HGSNAT: variants seen among roughly 807,000 people sequenced by gnomAD.
HGSNAT encodes the protein transmembrane protein 76.
In HGSNAT, 59 loss-of-function variants were observed where a neutral mutation model predicts 85.2. The ratio of observed to expected loss-of-function variants is 0.69; its 90% CI spans 0.56 to 0.86. The LOEUF is 0.86. Among genes scored for constraint, HGSNAT ranks in the 40% least tolerant of loss-of-function variants. The probability of loss-of-function intolerance (pLI) is 0.00; values close to 1 mark genes in which losing one functional copy is unlikely to be tolerated. For missense variants in HGSNAT, 756 were observed against 777.1 expected (o/e 0.97, Z 0.32); for synonymous variants, 321 against 304.5 (o/e 1.05, Z -0.56).
At chr8:43,180,688 C>G (rs896576329) in intron 10 of HGSNAT, 13 of 317,806 alleles carry the variant, frequency 4.1e-5, no homozygotes, top group African/African-American at 7.2e-5. Context: ...ACTTCCCAGA[C>G]GGGGTGGCTG....
intron 3 of HGSNAT, 88 bp from the exon 4 acceptor site, chr8:43,158,835 G>A (rs755618002): frequency 3.3e-6 from 5 of 1,510,656 alleles, no homozygotes; most frequent in Non-Finnish European, 4.5e-6. Context: ...CCAGGAACAT[G>A]TATTATTCTG....
Position 43,199,414 on chromosome 8 carries a change from G to C in HGSNAT, c.1753G>C (p.Gly585Arg), listed in dbSNP as rs376476836. 1 of 1,604,712 alleles carries C rather than the reference G, an allele frequency of 6.2e-7. No individual in the cohort carries two copies. Among genetic ancestry groups the C allele is most frequent in the Non-Finnish European group, 8.5e-7 (1 of 1,175,220 alleles). ...PGMNSILVYVGHEVFENYFPF... is the reference protein window; with the variant it reads ...PGMNSILVYVRHEVFENYFPF... ...AATGAATTCCATTCTGGTATATGTC[G>C]GCCACGAGGTGTTTGAGAACTACTT... is the stretch of plus-strand genomic sequence containing the variant. The change falls in exon 18 of 18, where the codon GGC (glycine) becomes CGC (arginine). Residue 585 changes from glycine (G) to arginine (R), a missense_variant. Gly to Arg is a moderately radical substitution (Grantham distance 125, BLOSUM62 -2). Transcript: ENST00000379644.
At chr8:43,174,325 A>C (rs1803737281) in intron 9 of HGSNAT, 1 of 152,222 alleles carries the variant, frequency 6.6e-6, no homozygotes, top group African/African-American at 2.4e-5. Context: ...CATTCTGAAC[A>C]TGTAGTTCAG....
In HGSNAT at chr8:43,158,621, G is replaced by A; in HGVS notation, c.281G>A (p.Gly94Glu). 6.2e-7 allele frequency: 1 copy of A among 1,613,930 alleles called. No individual in the cohort carries two copies. The highest frequency in any genetic ancestry group is 2.2e-5 in the East Asian group (1 of 44,878). ...AACGTTCCTCAGAGTCCAAAAGCAG[G>A]GAAGCCTAGTGCTGCAGCTGCCTCT... ...LVNVPQSPKAGKPSAAAASVS... is the reference protein window; with the variant it reads ...LVNVPQSPKAEKPSAAAASVS... The change falls in exon 3 of 18, where the codon GGG becomes GAG. Residue 94 changes from glycine to glutamate, a missense_variant. Physicochemically the swap from Gly to Glu is moderately conservative, Grantham distance 98. Transcript: ENST00000379644.
intron 5 of HGSNAT, among the ~76,000 whole-genome samples, chr8:43,165,941 G>GA (rs886732759): frequency 2.3e-4 from 35 of 151,126 alleles, no homozygotes; most frequent in African/African-American, 8.2e-4. Context: ...GTCTCAAAAA[G>GA]AAAAAAAAGA....
intron 11 of HGSNAT, among the ~76,000 whole-genome samples, chr8:43,187,144 G>A (rs1804344819): frequency 6.6e-6 from 1 of 152,218 alleles, no homozygotes; most frequent in Non-Finnish European, 1.5e-5. Flanking sequence ...GAGTTCTGTA[G>A]ATGTCTATCA....
chr8:43,159,345 T>A (rs549736390), intron 4 of HGSNAT, among the ~76,000 whole-genome samples: 2 of 152,158 alleles, frequency 1.3e-5, no homozygotes, highest in Non-Finnish European at 2.9e-5. Flanking sequence ...CCCAGCACTT[T>A]GGGAGGCCAA....
chr8:43,182,646 A>G (rs1188946569), intron 11 of HGSNAT, among the ~76,000 whole-genome samples: 1 of 151,992 alleles, frequency 6.6e-6, no homozygotes, highest in African/African-American at 2.4e-5. Flanking sequence ...AGGTCTCACT[A>G]TGTTGTCCAG....
chr8:43,182,337 T>G, intron 11 of HGSNAT, 77 bp downstream of exon 11: 1 of 1,173,880 alleles, frequency 8.5e-7, no homozygotes, highest in Non-Finnish European at 1.3e-6. Flanking sequence ...ACGGTCTCAC[T>G]ATGTTGTCCA....
Position 43,146,889 on chromosome 8 carries a change from C to T in HGSNAT, c.119-59C>T, listed in dbSNP as rs905736104. 8.3e-6 allele frequency: 8 copies of T among 962,208 alleles called. No individual in the cohort carries two copies. The African/African-American group carries it at 1.3e-4, about 16-fold the overall frequency. 59.6% of individuals were successfully genotyped at this position (962,208 alleles called of 1,614,324 possible). On this transcript the variant is annotated intron_variant, in intron 1 of 17. Transcript: ENST00000379644. ...CTGTTCACACGAATGTACTTTGTCTCTAACACATCTTTCGGGTGCCTTTTT... is the reference window on the plus strand; with the variant it reads ...CTGTTCACACGAATGTACTTTGTCTTTAACACATCTTTCGGGTGCCTTTTT...
chr8:43,178,020 A>G (rs1803872478), intron 9 of HGSNAT, 54 bp from the exon 10 acceptor site: 2 of 1,418,510 alleles, frequency 1.4e-6, no homozygotes, highest in Admixed American at 1.7e-5. Context: ...TGTTACTGAT[A>G]TATAGACAAA....
intron 9 of HGSNAT, 33 bp downstream of exon 9, chr8:43,173,776 G>C (rs1390406467): frequency 1.2e-6 from 2 of 1,602,918 alleles, no homozygotes; most frequent in Non-Finnish European, 1.7e-6. Flanking sequence ...TCTCTTCCAC[G>C]GGTTGACTCC....
intron 2 of HGSNAT, among the ~76,000 whole-genome samples, chr8:43,150,196 G>T (rs966178552): frequency 2.6e-5 from 4 of 151,948 alleles, no homozygotes; most frequent in African/African-American, 9.7e-5. Flanking sequence ...CTTGTGATCC[G>T]CCCGCCTCAG....
intron 4 of HGSNAT, 148 bp from the exon 5 acceptor site, chr8:43,161,290 T>A: frequency 3.4e-6 from 2 of 591,634 alleles, no homozygotes; most frequent in Non-Finnish European, 6.0e-6. Flanking sequence ...CAATTATCAC[T>A]CCCTTCAGGG....
chr8:43,161,306 A>G (rs1208425431), intron 4 of HGSNAT, 132 bp from the exon 5 acceptor site: 12 of 650,760 alleles, frequency 1.8e-5, no homozygotes, highest in Non-Finnish European at 3.2e-5. Context: ...CAGGGTGAGC[A>G]TAGGAAATTC....
At chr8:43,182,101 G>A (rs560923718) in intron 10 of HGSNAT, 44 bp from the exon 11 acceptor site, 14 of 1,412,234 alleles carry the variant, frequency 9.9e-6, no homozygotes, top group South Asian at 9.2e-5. Context: ...GGGATGAGAG[G>A]AGAAGTCCTG....
At chr8:43,190,720 A>G (rs1804498651) in intron 11 of HGSNAT, among the ~76,000 whole-genome samples, 1 of 152,166 alleles carries the variant, frequency 6.6e-6, no homozygotes, top group East Asian at 1.9e-4. Context: ...TAGTTTACTT[A>G]TTTTATTTTT....
At chr8:43,191,184 T>C (rs985429431) in intron 11 of HGSNAT, among the ~76,000 whole-genome samples, 9 of 152,260 alleles carry the variant, frequency 5.9e-5, no homozygotes, top group African/African-American at 2.2e-4. Context: ...TTTTTTGCTG[T>C]TGTGAACAAT....
intron 2 of HGSNAT, among the ~76,000 whole-genome samples, chr8:43,151,365 A>T (rs186531168): frequency 1.9e-3 from 288 of 152,334 alleles, no homozygotes; most frequent in African/African-American, 6.7e-3. Context: ...AAGCTGGAAA[A>T]ATAACGGAAC....
Sources: allele counts gnomAD v4.1 joint callset (sites outside exome capture counted in the v4.1 genomes callset), GRCh38; gene constraint gnomAD v4.1.1; transcripts MANE v1.5; gene names NCBI Gene and HGNC (gene_info 2026-07-23, HGNC 2026-07-21).